The following LPP variants were observed in gnomAD, a reference collection of about 807,000 sequenced individuals.
The protein encoded by LPP is LIM domain containing preferred translocation partner in lipoma.
LPP carries 38 observed loss-of-function variants against 60.4 expected under a neutral mutation model. The ratio of observed to expected loss-of-function variants is 0.63; its 90% CI spans 0.49 to 0.83. The LOEUF (loss-of-function observed/expected upper bound fraction) is 0.83, where lower values mean the gene tolerates loss of function less well. LPP is among the 40% of genes least tolerant of loss of function. The pLI, the probability that LPP is intolerant of heterozygous loss-of-function variation, is 0.00. For missense variants in LPP, 902 were observed against 783.6 expected (o/e 1.15, Z -1.80); for synonymous variants, 328 against 290.8 (o/e 1.13, Z -1.30).
chr3:188,352,796 G>C lies in LPP; in HGVS notation c.-10+11077G>C, dbSNP rs1766311880. On this transcript the variant is annotated intron_variant, in intron 3 of 11. Coordinates refer to ENST00000617246, the MANE Select transcript of LPP (RefSeq NM_001375462.1). This position sits in a 1 kb window ranked among gnomAD's most constrained non-coding sequence, Gnocchi z 4.4. ...GGTGACACTGCCGTGCCTAGGAGTG[G>C]GCAGAGAAGGTGAAGACACGGAGAG... Among the ~76,000 whole-genome samples, 1 of 152,170 alleles carries C rather than the reference G, an allele frequency of 6.6e-6. No individual in the cohort carries two copies. Among genetic ancestry groups the C allele is most frequent in the African/African-American group, 2.4e-5 (1 of 41,426 alleles).
chr3:188,761,457 A>G (rs1468599838), intron 9 of LPP, among the ~76,000 whole-genome samples: 1 of 152,234 alleles, frequency 6.6e-6, no homozygotes, highest in African/African-American at 2.4e-5. Context: ...TACATGTAAC[A>G]TCATTTCTTT....
At chr3:188,454,343 T>C (rs1797259357) in intron 4 of LPP, among the ~76,000 whole-genome samples, 1 of 152,246 alleles carries the variant, frequency 6.6e-6, no homozygotes, top group Non-Finnish European at 1.5e-5. Context: ...TATTCCTCAG[T>C]AACTTTCATC....
At chr3:188,174,656 C>T (rs2148835004) in intron 1 of LPP, among the ~76,000 whole-genome samples, 1 of 152,272 alleles carries the variant, frequency 6.6e-6, no homozygotes, top group South Asian at 2.1e-4. Flanking sequence ...TGAAGGGGGC[C>T]AGCTGACTTC....
Position 188,524,803 on chromosome 3 carries a change from A to G in LPP, c.429+16A>G. On this transcript the variant is annotated intron_variant, in intron 6 of 11. Transcript: ENST00000617246. ...GCCTCCACAGGTTAGTGCAGCCCAC[A>G]ATCATCTCCACACAGCCATTCCCAG... 2 of 1,609,914 alleles carry G rather than the reference A, an allele frequency of 1.2e-6. No homozygotes were observed. Among genetic ancestry groups the G allele is most frequent in the Non-Finnish European group, 1.7e-6 (2 of 1,178,168 alleles).
chr3:188,303,990 A>AG (rs1343581565), intron 2 of LPP, among the ~76,000 whole-genome samples: 1 of 152,184 alleles, frequency 6.6e-6, no homozygotes, highest in African/African-American at 2.4e-5. Flanking sequence ...GAATGGAGGA[A>AG]GTGCCCTGGC....
chr3:188,227,457 A>T (rs1404295406), intron 2 of LPP, among the ~76,000 whole-genome samples: 3 of 150,710 alleles, frequency 2.0e-5, no homozygotes, highest in Admixed American at 6.7e-5. Flanking sequence ...TTTGTTGTTC[A>T]TAAGCTAAAT....
At chr3:188,402,426 T>C (rs1578631153) in intron 3 of LPP, among the ~76,000 whole-genome samples, 1 of 152,264 alleles carries the variant, frequency 6.6e-6, no homozygotes, top group Non-Finnish European at 1.5e-5. Flanking sequence ...CATTACATCA[T>C]CAAATTAAGG....
intron 4 of LPP, among the ~76,000 whole-genome samples, chr3:188,419,483 G>A (rs1787197667): frequency 6.6e-6 from 1 of 152,194 alleles, no homozygotes; most frequent in African/African-American, 2.4e-5. Flanking sequence ...GGTTAAGCTT[G>A]TAGACTCTGG....
At chr3:188,711,707 T>A (rs1711570912) in intron 8 of LPP, 1 of 152,204 alleles carries the variant, frequency 6.6e-6, no homozygotes, top group South Asian at 2.1e-4. Context: ...GGGTCTTACC[T>A]TTGAAGTTCT....
rs1337809719 is a variant in LPP, at chr3:188,868,894, G to T, written c.1589+2516G>T. ...GAGATACAAGGAGAGAAATTGTGCA[G>T]ATATATATAGAGAAGTCACTGTCAG... On this transcript the variant is annotated intron_variant, in intron 10 of 11. Transcript: ENST00000617246. Among the ~76,000 whole-genome samples, 4 of 152,194 alleles carry T rather than the reference G, an allele frequency of 2.6e-5. No individual in the cohort carries two copies. The South Asian group carries it at 6.2e-4, about 24-fold the overall frequency.
intron 4 of LPP, among the ~76,000 whole-genome samples, chr3:188,447,435 C>T (rs1795486494): frequency 6.6e-6 from 1 of 151,996 alleles, no homozygotes; most frequent in African/African-American, 2.4e-5. Context: ...CATGGTGAAA[C>T]CCCGTCTCTA....
intron 7 of LPP, among the ~76,000 whole-genome samples, chr3:188,626,880 C>T (rs1846943948): frequency 6.6e-6 from 1 of 152,000 alleles, no homozygotes. Flanking sequence ...GGAAATGCAA[C>T]ATGTTATAAA....
Position 188,882,145 on chromosome 3 carries a change from G to A in LPP, c.*7666G>A, listed in dbSNP as rs1208543058. ...TAAATCTGTACTTACTCAATAGGAA[G>A]GAATGTGACATCAGGAAGAGTCATT... On this transcript the variant is annotated 3_prime_UTR_variant, in exon 12 of 12. Transcript: ENST00000617246. The A allele has an allele frequency of 4.7e-6, 1 of 212,138 alleles. No homozygotes were observed. Among genetic ancestry groups the A allele is most frequent in the African/African-American group, 2.3e-5 (1 of 44,194 alleles). 13.1% of individuals were successfully genotyped at this position (212,138 alleles called of 1,614,324 possible).
At chr3:188,491,061 G>C (rs558269731) in intron 5 of LPP, among the ~76,000 whole-genome samples, 1 of 152,206 alleles carries the variant, frequency 6.6e-6, no homozygotes, top group East Asian at 1.9e-4. Flanking sequence ...CGCCTGGCCG[G>C]CACTGGAATT....
At chr3:188,557,661 T>C (rs1829789633) in intron 6 of LPP, among the ~76,000 whole-genome samples, 1 of 152,118 alleles carries the variant, frequency 6.6e-6, no homozygotes, top group African/African-American at 2.4e-5. Flanking sequence ...ACACTGTACA[T>C]TGGCTAACAT....
chr3:188,536,463 G>C (rs578162112), intron 6 of LPP, among the ~76,000 whole-genome samples: 1 of 152,236 alleles, frequency 6.6e-6, no homozygotes, highest in Non-Finnish European at 1.5e-5. Flanking sequence ...CAATTATAAA[G>C]CATGTCAAAA....
chr3:188,753,928 A>T (rs538904591), intron 8 of LPP, among the ~76,000 whole-genome samples: 2 of 152,286 alleles, frequency 1.3e-5, no homozygotes, highest in Admixed American at 6.5e-5. Context: ...ACAGAACTAC[A>T]TGTGTCCTAC....
chr3:188,872,385 C>T (rs913568259), intron 10 of LPP, among the ~76,000 whole-genome samples: 3 of 152,168 alleles, frequency 2.0e-5, no homozygotes, highest in Non-Finnish European at 4.4e-5. Flanking sequence ...TTTCATACCG[C>T]GCACCATGCA....
chr3:188,859,900 T>G (rs927518299), intron 9 of LPP, among the ~76,000 whole-genome samples: 1 of 152,204 alleles, frequency 6.6e-6, no homozygotes, highest in Non-Finnish European at 1.5e-5. Context: ...CAGGAAAACT[T>G]TCATCTGTAA....
Sources: gnomAD v4.1 joint callset for allele counts (sites outside exome capture counted in the v4.1 genomes callset) on GRCh38, gnomAD v4.1.1 for gene constraint, Gnocchi (gnomAD v3.1) non-coding constraint, MANE v1.5 for transcripts, NCBI Gene and HGNC (gene_info 2026-07-23, HGNC 2026-07-21) for gene names.